The following LRTM2 variants were observed in gnomAD, a reference collection of about 807,000 sequenced individuals.
LRTM2 encodes leucine-rich repeat and transmembrane domain-containing protein 2.
A neutral mutation model predicts 28.1 loss-of-function variants in LRTM2; 18 were observed. The observed-to-expected ratio is 0.64, with a 90% CI of 0.44 to 0.95. LRTM2 has a LOEUF of 0.95. LRTM2 is among the 40% of genes least tolerant of loss of function. The pLI, the probability that LRTM2 is intolerant of heterozygous loss-of-function variation, is 0.00. For missense variants in LRTM2, 436 were observed against 497.2 expected (o/e 0.88, Z 1.17); for synonymous variants, 250 against 218.7 (o/e 1.14, Z -1.26).
rs1037789574 is a variant in LRTM2 at position 1,828,500 on chromosome 12, G to A, written c.67+285G>A. Among the ~76,000 whole-genome samples, 22 of 152,196 alleles carry A rather than the reference G, an allele frequency of 1.4e-4. No homozygotes were observed. The highest frequency in any genetic ancestry group is 5.1e-4 in the African/African-American group (21 of 41,434). ...CAGGTAAGTCTCTGTGAGCTTGCTGGGGTCCCCAACAGGAGAAGAGCTCTG... is the reference window on the plus strand; with the variant it reads ...CAGGTAAGTCTCTGTGAGCTTGCTGAGGTCCCCAACAGGAGAAGAGCTCTG... On this transcript the variant is annotated intron_variant, in intron 3 of 4. Coordinates refer to ENST00000299194, the MANE Select transcript of LRTM2 (RefSeq NM_001039029.3). The surrounding 1 kb of genome is among the most constrained non-coding windows in gnomAD (Gnocchi z 4.2).
chr12:1,830,901 T>A, intron 3 of LRTM2, 34 bp from the exon 4 acceptor site: 1 of 1,547,406 alleles, frequency 6.5e-7, no homozygotes, highest in Non-Finnish European at 8.8e-7. Flanking sequence ...CCCGTCCTAT[T>A]GCTTTCTTTC....
Position 1,834,821 on chromosome 12 carries a change from C to G in LRTM2, c.*100C>G. The G allele has an allele frequency of 6.9e-7, 1 of 1,444,768 alleles. No homozygotes were observed. The highest frequency in any genetic ancestry group is 9.1e-7 in the Non-Finnish European group (1 of 1,102,546). 89.5% of individuals were successfully genotyped at this position (1,444,768 alleles called of 1,614,324 possible). A position where few individuals can be genotyped will look rare whatever the true frequency, so the allele number is the denominator to read the frequency against. On this transcript the variant is annotated 3_prime_UTR_variant, in exon 5 of 5. Transcript: ENST00000299194. The surrounding 1 kb of genome is among the most constrained non-coding windows in gnomAD (Gnocchi z 7.6). The stretch of plus-strand genomic sequence containing the variant: ...GACCCGGCGCTGGCCACTGCCTCCC[C>G]GAGTCCACCCTCCTCCCCGCCCTCC...
chr12:1,828,152 C>T lies in LRTM2; in HGVS notation c.4C>T (p.Leu2=). 6.5e-7 allele frequency: 1 copy of T among 1,541,834 alleles called. No individual in the cohort carries two copies. Among genetic ancestry groups the T allele is most frequent in the South Asian group, 1.2e-5 (1 of 83,140 alleles). The change falls in exon 3 of 5, where the codon CTG becomes TTG. Residue 2 remains leucine, a synonymous_variant. Coordinates refer to ENST00000299194, the MANE Select transcript of LRTM2 (RefSeq NM_001039029.3). This position sits in a 1 kb window ranked among gnomAD's most constrained non-coding sequence, Gnocchi z 4.2. M[L]APGSSPGQRG... Reference sequence around the variant, plus strand: ...CCGGAGAGCCGTGGGCCTCACCATGCTGGCGCCGGGCAGCAGCCCTGGGCA... The same window carrying T: ...CCGGAGAGCCGTGGGCCTCACCATGTTGGCGCCGGGCAGCAGCCCTGGGCA...
rs976210946 is a variant in LRTM2 at position 1,828,044 on chromosome 12, C to T, written c.-73-32C>T. ...CTGGGCTGGAACGGGGCTCCCGCGC[C>T]TGCCTGTGCTCAGTGCTCCTCCCTC... On this transcript the variant is annotated intron_variant, in intron 2 of 4. Coordinates refer to ENST00000299194, the MANE Select transcript of LRTM2 (RefSeq NM_001039029.3). The surrounding 1 kb of genome is among the most constrained non-coding windows in gnomAD (Gnocchi z 4.2). 5 of 1,127,674 alleles carry T rather than the reference C, an allele frequency of 4.4e-6. No individual in the cohort carries two copies. Among genetic ancestry groups the T allele is most frequent in the Admixed American group, 3.3e-5 (1 of 30,402 alleles). The allele number at this position is 1,127,674 out of a possible 1,614,324, so 69.9% of individuals were successfully genotyped here.
At chr12:1,822,651 G>A (rs1864153467) in intron 1 of LRTM2, among the ~76,000 whole-genome samples, 1 of 152,230 alleles carries the variant, frequency 6.6e-6, no homozygotes, top group Admixed American at 6.5e-5. Flanking sequence ...GGGTGAGGAT[G>A]GGGCATGTGT....
Position 1,831,047 on chromosome 12 carries a change from C to T in LRTM2, c.180C>T (p.Thr60=). Residue 60 remains threonine, a synonymous_variant, in exon 4 of 5, where the codon ACC becomes ACT. Coordinates refer to ENST00000299194, the MANE Select transcript of LRTM2 (RefSeq NM_001039029.3). ...TGGACTGCAGTGGCCTTGGCCTCAC[C>T]ACGGTGCCCCCAGACGTGCCCGCAG... ...LEVDCSGLGL[T]TVPPDVPAAT... The T allele has an allele frequency of 6.2e-7, 1 of 1,614,072 alleles. No individual in the cohort carries two copies. Among genetic ancestry groups the T allele is most frequent in the Non-Finnish European group, 8.5e-7 (1 of 1,180,036 alleles).
rs1395707670 is a variant in LRTM2, at chr12:1,828,323, C to T, written c.67+108C>T. On this transcript the variant is annotated intron_variant, in intron 3 of 4. Transcript: ENST00000299194. This position sits in a 1 kb window ranked among gnomAD's most constrained non-coding sequence, Gnocchi z 4.2. ...TAGCCACACTCAGGCTGCAGGGAGG[C>T]CTACGCCAGATCTTCCTGGGGTACC... 6 of 996,844 alleles carry T rather than the reference C, an allele frequency of 6.0e-6. No homozygotes were observed. Among genetic ancestry groups the T allele is most frequent in the Admixed American group, 6.1e-5 (2 of 32,796 alleles). 61.7% of individuals were successfully genotyped at this position (996,844 alleles called of 1,614,324 possible). A position where few individuals can be genotyped will look rare whatever the true frequency, so the allele number is the denominator to read the frequency against.
Position 1,831,317 on chromosome 12 carries a change from C to T in LRTM2, c.450C>T (p.Asn150=), listed in dbSNP as rs759805197. ...PLLRHLDLSI[N]GLAQLPPGLF... is the part of the protein sequence containing the mutation. ...TCCGCCACCTGGACCTGTCCATCAACGGCCTGGCCCAGTTGCCCCCTGGTC... is the reference window on the plus strand; with the variant it reads ...TCCGCCACCTGGACCTGTCCATCAATGGCCTGGCCCAGTTGCCCCCTGGTC... The change falls in exon 4 of 5, where the codon AAC becomes AAT. Residue 150 remains asparagine (N), a synonymous_variant. Transcript: ENST00000299194. The T allele has an allele frequency of 6.2e-6, 10 of 1,613,688 alleles. No individual in the cohort carries two copies. Among genetic ancestry groups the T allele is most frequent in the African/African-American group, 4.0e-5 (3 of 74,946 alleles).
chr12:1,835,613 C>T lies in LRTM2; in HGVS notation c.*892C>T, dbSNP rs535030029. 3 of 152,806 alleles carry T rather than the reference C, an allele frequency of 2.0e-5. No homozygotes were observed. Among genetic ancestry groups the T allele is most frequent in the African/African-American group, 7.2e-5 (3 of 41,576 alleles). 9.5% of individuals were successfully genotyped at this position (152,806 alleles called of 1,614,324 possible). On this transcript the variant is annotated 3_prime_UTR_variant, in exon 5 of 5. Transcript: ENST00000299194. ...TAACACCAGGATCCTTTGAGATCCT[C>T]TAAAGTGGGCCAAAGTGGTGCCCCT...
chr12:1,831,010 G>A lies in LRTM2; in HGVS notation c.143G>A (p.Arg48His), dbSNP rs147954879. 2.6e-5 allele frequency: 42 copies of A among 1,613,898 alleles called. No homozygotes were observed. Among genetic ancestry groups the A allele is most frequent in the East Asian group, 1.6e-4 (7 of 44,890 alleles). The change falls in exon 4 of 5, where the codon CGC becomes CAC. Residue 48 changes from arginine (R) to histidine (H), a missense_variant. By Grantham distance (29) the Arg-to-His change is conservative. Transcript: ENST00000299194. ...TCPFSCKCDS[R>H]SLEVDCSGLG... Reference sequence around the variant, plus strand: ...CCTTTCTCCTGCAAGTGTGACAGCCGCAGCCTGGAGGTGGACTGCAGTGGC... The same window carrying A: ...CCTTTCTCCTGCAAGTGTGACAGCCACAGCCTGGAGGTGGACTGCAGTGGC...
At chr12:1,825,630 ATGTTAGCAC>A (rs1334866714) in intron 1 of LRTM2, among the ~76,000 whole-genome samples, 1 of 152,178 alleles carries the variant, frequency 6.6e-6, no homozygotes, top group African/African-American at 2.4e-5. Flanking sequence ...GGGCACATGT[ATGTTAGCAC>A]ATACCTAGCT....
intron 3 of LRTM2, among the ~76,000 whole-genome samples, chr12:1,830,102 A>G (rs181157428): frequency 6.6e-6 from 1 of 152,254 alleles, no homozygotes. Context: ...GCCATTGTGC[A>G]GGAATGCTGC....
rs182878439 is a variant in LRTM2, at chr12:1,833,149, T to C, written c.659-1118T>C. 1.3e-5 allele frequency among the ~76,000 whole-genome samples: 2 copies of C among 152,334 alleles called. No individual in the cohort carries two copies. The highest frequency in any genetic ancestry group is 4.8e-5 in the African/African-American group (2 of 41,580). On this transcript the variant is annotated intron_variant, in intron 4 of 4. Coordinates refer to ENST00000299194, the MANE Select transcript of LRTM2 (RefSeq NM_001039029.3). The surrounding 1 kb of genome is among the most constrained non-coding windows in gnomAD (Gnocchi z 4.2). Reference sequence around the variant, plus strand: ...TTCAATAGCGGAGTTGCTTTCAACATTGCATTTCTTAAAAACAAAATCCTG... The same window carrying C: ...TTCAATAGCGGAGTTGCTTTCAACACTGCATTTCTTAAAAACAAAATCCTG...
chr12:1,823,036 T>G (rs1354122919), intron 1 of LRTM2, among the ~76,000 whole-genome samples: 1 of 152,192 alleles, frequency 6.6e-6, no homozygotes, highest in Non-Finnish European at 1.5e-5. Context: ...CAGAGTAGGC[T>G]GCAAATGCCC....
intron 2 of LRTM2, 172 bp from the exon 3 acceptor site, chr12:1,827,904 A>AG (rs1864417310): frequency 7.4e-6 from 3 of 403,382 alleles, no homozygotes; most frequent in African/African-American, 4.1e-5. Context: ...CCCCCATCCC[A>AG]GGGGCTTGAA....
chr12:1,834,274 C>A lies in LRTM2; in HGVS notation c.666C>A (p.Arg222=). The A allele has an allele frequency of 6.4e-7, 1 of 1,571,678 alleles. No individual in the cohort carries two copies. The highest frequency in any genetic ancestry group is 8.7e-7 in the Non-Finnish European group (1 of 1,156,040). ...TTTCTCTTCTGCATGTAGGGGGACG[C>A]TTGGACCAGCTTGCCTGCACCCTGC... is the stretch of plus-strand genomic sequence containing the variant. The part of the protein sequence containing the change: ...WMEWFSYRGG[R]LDQLACTLPK... Residue 222 remains arginine (R), a synonymous_variant, in exon 5 of 5, where the codon CGC becomes CGA. Coordinates refer to ENST00000299194, the MANE Select transcript of LRTM2 (RefSeq NM_001039029.3). This position sits in a 1 kb window ranked among gnomAD's most constrained non-coding sequence, Gnocchi z 7.6.
chr12:1,828,015 A>G lies in LRTM2; in HGVS notation c.-73-61A>G. The G allele has an allele frequency of 1.2e-5, 8 of 689,048 alleles. No individual in the cohort carries two copies. The South Asian group carries it at 2.0e-4, about 17-fold the overall frequency. The allele number at this position is 689,048 out of a possible 1,614,324, so 42.7% of individuals were successfully genotyped here. A position where few individuals can be genotyped will look rare whatever the true frequency, so the allele number is the denominator to read the frequency against. On this transcript the variant is annotated intron_variant, in intron 2 of 4. Transcript: ENST00000299194. This position sits in a 1 kb window ranked among gnomAD's most constrained non-coding sequence, Gnocchi z 4.2. ...AAGAGACACCCGGGCCCTCTCCCTAACCCCTGGGCTGGAACGGGGCTCCCG... is the reference window on the plus strand; with the variant it reads ...AAGAGACACCCGGGCCCTCTCCCTAGCCCCTGGGCTGGAACGGGGCTCCCG...
intron 1 of LRTM2, among the ~76,000 whole-genome samples, chr12:1,826,204 T>C (rs1471092527): frequency 6.6e-6 from 1 of 152,142 alleles, no homozygotes; most frequent in Non-Finnish European, 1.5e-5. Context: ...AAGTCCGAGC[T>C]AGGAGCAGGA....
In LRTM2 at chr12:1,820,649, G is replaced by A. The variant is rs1421075290; in HGVS notation, c.-424G>A. 1 of 152,416 alleles carries A rather than the reference G, an allele frequency of 6.6e-6. No homozygotes were observed. The highest frequency in any genetic ancestry group is 6.5e-5 in the Admixed American group (1 of 15,284). 9.4% of individuals were successfully genotyped at this position (152,416 alleles called of 1,614,324 possible). ...CAAGCAGTCCACCTCCTGGTGCTGT[G>A]TGCTGCGTGCCAGCCGCTGCTCCCG... is the stretch of plus-strand genomic sequence containing the variant. On this transcript the variant is annotated 5_prime_UTR_variant, in exon 1 of 5. It adds an upstream start codon to the 5' untranslated region. Transcript: ENST00000299194. This position sits in a 1 kb window ranked among gnomAD's most constrained non-coding sequence, Gnocchi z 6.0.
Sources: gnomAD v4.1 joint callset for allele counts (sites outside exome capture counted in the v4.1 genomes callset) on GRCh38, gnomAD v4.1.1 for gene constraint, Gnocchi (gnomAD v3.1) non-coding constraint, MANE v1.5 for transcripts, NCBI Gene and HGNC (gene_info 2026-07-23, HGNC 2026-07-21) for gene names.